The following DIAPH2 variants were observed in gnomAD, a reference collection of about 807,000 sequenced individuals.
The protein encoded by DIAPH2 is diaphanous related formin 2.
DIAPH2 carries 35 observed loss-of-function variants against 92.7 expected under a neutral mutation model. The ratio of observed to expected loss-of-function variants is 0.38; its 90% CI spans 0.29 to 0.50. The LOEUF is 0.50. DIAPH2 is among the 20% of genes least tolerant of loss of function. DIAPH2 has a pLI of 0.94. For synonymous variants in DIAPH2, 301 were observed against 280.4 expected, an observed-to-expected ratio of 1.07 and a Z score of -0.73; for missense variants, 701 against 819.5, an observed-to-expected ratio of 0.86 and a Z score of 1.77.
At chrX:96,965,065 A>G (rs2065886467) in intron 16 of DIAPH2, 28 bp from the exon 17 acceptor site, 1 of 1,163,427 alleles carries the variant, frequency 8.6e-7, no homozygotes, top group African/African-American at 1.8e-5. Context: ...TATAATTTAG[A>G]ATCTATTCTT....
intron 4 of DIAPH2, among the ~76,000 whole-genome samples, chrX:96,793,037 CAT>C (rs1329888394): frequency 1.8e-5 from 2 of 112,172 alleles, no homozygotes; most frequent in Non-Finnish European, 3.8e-5. Flanking sequence ...AAGGAATAAA[CAT>C]AATGGGATGG....
intron 15 of DIAPH2, among the ~76,000 whole-genome samples, chrX:96,956,436 T>C (rs940556483): frequency 1.5e-4 from 17 of 112,394 alleles, no homozygotes; most frequent in Non-Finnish European, 2.1e-4. Context: ...GTGATTAGCA[T>C]TTGGCTCCTC....
At chrX:96,768,595 G>A (rs1278838134) in intron 4 of DIAPH2, among the ~76,000 whole-genome samples, 2 of 111,777 alleles carry the variant, frequency 1.8e-5, no homozygotes, top group African/African-American at 3.3e-5. Flanking sequence ...ATCAGGGTGT[G>A]GTATTTTAGA....
intron 25 of DIAPH2, among the ~76,000 whole-genome samples, chrX:97,386,859 T>C (rs1381491379): frequency 9.4e-6 from 1 of 106,810 alleles, no homozygotes; most frequent in African/African-American, 3.4e-5. Flanking sequence ...TTTTGTTACA[T>C]AGGTATACAC....
chrX:96,807,646 C>A (rs1208433348), intron 4 of DIAPH2, among the ~76,000 whole-genome samples: 1 of 109,753 alleles, frequency 9.1e-6, no homozygotes, highest in Admixed American at 9.8e-5. Flanking sequence ...AGTCTTATGG[C>A]CTCCTGATTA....
chrX:97,528,344 A>T (rs1354320277), intron 26 of DIAPH2: 2 of 112,062 alleles, frequency 1.8e-5, no homozygotes, highest in Admixed American at 1.9e-4. Context: ...TGTTGCTATA[A>T]AGGAATACCT....
At chrX:96,993,910 G>A (rs1383466104) in intron 17 of DIAPH2, among the ~76,000 whole-genome samples, 1 of 111,661 alleles carries the variant, frequency 9.0e-6, no homozygotes, top group Non-Finnish European at 1.9e-5. Flanking sequence ...ACATGGACAA[G>A]GGTATGATAA....
At chrX:96,830,417 A>G (rs2064844824) in intron 4 of DIAPH2, among the ~76,000 whole-genome samples, 1 of 108,179 alleles carries the variant, frequency 9.2e-6, no homozygotes, top group African/African-American at 3.4e-5. Context: ...TAAAAATACA[A>G]AAAATTAGCC....
intron 26 of DIAPH2, among the ~76,000 whole-genome samples, chrX:97,458,095 A>G (rs2070423934): frequency 9.0e-6 from 1 of 111,191 alleles, no homozygotes; most frequent in African/African-American, 3.3e-5. Flanking sequence ...TGATATAACA[A>G]TACTTCTGTC....
At chrX:97,566,817 G>A (rs942482558) in intron 26 of DIAPH2, among the ~76,000 whole-genome samples, 28 of 111,410 alleles carry the variant, frequency 2.5e-4, no homozygotes, top group Non-Finnish European at 1.5e-4. Flanking sequence ...AGGTGGTGCC[G>A]TTAGGTGACA....
At chrX:96,802,188 C>G (rs1018322805) in intron 4 of DIAPH2, among the ~76,000 whole-genome samples, 1 of 111,887 alleles carries the variant, frequency 8.9e-6, no homozygotes, top group African/African-American at 3.2e-5. Flanking sequence ...CATTCACAGG[C>G]CTGAGTATAA....
intron 4 of DIAPH2, among the ~76,000 whole-genome samples, chrX:96,849,970 T>A (rs868554740): frequency 1.3e-4 from 14 of 103,844 alleles, no homozygotes; most frequent in African/African-American, 4.4e-4. Flanking sequence ...TTTTTTTTTT[T>A]AATTTGACAC....
intron 5 of DIAPH2, among the ~76,000 whole-genome samples, chrX:96,901,532 G>GTTTTTTTTTTTTTT (rs369526046): frequency 6.0e-5 from 2 of 33,095 alleles, no homozygotes; most frequent in Non-Finnish European, 1.2e-4. Flanking sequence ...TTTTCTTTCT[G>GTTTTTTTTTTTTTT]TTTTTTTTTT....
chrX:97,496,168 C>T (rs201436675), intron 26 of DIAPH2, among the ~76,000 whole-genome samples: 2 of 54,094 alleles, frequency 3.7e-5, no homozygotes, highest in African/African-American at 7.4e-5. Context: ...GAATTGGTAC[C>T]TTTTTTTTTT....
intron 23 of DIAPH2, among the ~76,000 whole-genome samples, chrX:97,282,225 G>A (rs1227473418): frequency 8.9e-6 from 1 of 111,791 alleles, no homozygotes; most frequent in Non-Finnish European, 1.9e-5. Context: ...CTTCACAGCG[G>A]CAACTGAATC....
At chrX:96,834,439 A>T (rs1487381557) in intron 4 of DIAPH2, among the ~76,000 whole-genome samples, 1 of 112,077 alleles carries the variant, frequency 8.9e-6, no homozygotes, top group Non-Finnish European at 1.9e-5. Context: ...ATTTGGAAAT[A>T]GGTGTCATAT....
intron 7 of DIAPH2, among the ~76,000 whole-genome samples, chrX:96,915,574 A>G (rs1335956603): frequency 9.0e-6 from 1 of 111,198 alleles, no homozygotes; most frequent in Non-Finnish European, 1.9e-5. Flanking sequence ...AATTAACTGA[A>G]GTTTAGCTGA....
At chrX:97,305,836 A>AG (rs1327280157) in intron 23 of DIAPH2, among the ~76,000 whole-genome samples, 1 of 108,129 alleles carries the variant, frequency 9.2e-6, no homozygotes, top group East Asian at 2.9e-4. Context: ...AAAAAAAAAA[A>AG]AAAAAGAAAG....
At chrX:97,342,039 A>G (rs1265264343) in intron 23 of DIAPH2, among the ~76,000 whole-genome samples, 1 of 112,509 alleles carries the variant, frequency 8.9e-6, no homozygotes, top group Non-Finnish European at 1.9e-5. Context: ...TAGGCTGACC[A>G]TCATTCTACT....
Sources: allele counts gnomAD v4.1 joint callset (sites outside exome capture counted in the v4.1 genomes callset), GRCh38; gene constraint gnomAD v4.1.1; transcripts MANE v1.5; gene names NCBI Gene and HGNC (gene_info 2026-07-23, HGNC 2026-07-21).